The following PIP4K2A variants were observed in gnomAD, a reference collection of about 807,000 sequenced individuals.
PIP4K2A encodes the protein phosphatidylinositol-5-phosphate 4-kinase type 2 alpha.
PIP4K2A carries 14 observed loss-of-function variants against 42.9 expected under a neutral mutation model. The observed-to-expected ratio is 0.33, with a 90% CI of 0.22 to 0.51. The LOEUF is 0.51. Ranked by LOEUF, PIP4K2A falls within the 20% of genes least tolerant of loss-of-function variation. The probability of loss-of-function intolerance (pLI) is 0.97; values close to 1 mark genes in which losing one functional copy is unlikely to be tolerated. For missense variants in PIP4K2A, 434 were observed against 519.8 expected (o/e 0.83, Z 1.61); for synonymous variants, 192 against 192.2 (o/e 1.00, Z 0.01).
At chr10:22,618,096 C>A (rs1336449564) in intron 1 of PIP4K2A, among the ~76,000 whole-genome samples, 3 of 152,130 alleles carry the variant, frequency 2.0e-5, no homozygotes, top group Admixed American at 1.3e-4. Context: ...CTAGACTCTG[C>A]AAGTTTTGCA....
At chr10:22,705,648 A>G (rs1407461427) in intron 1 of PIP4K2A, among the ~76,000 whole-genome samples, 2 of 151,958 alleles carry the variant, frequency 1.3e-5, no homozygotes, top group African/African-American at 4.8e-5. Context: ...CTGACGATCA[A>G]CATGTCTTGT....
At chr10:22,674,810 T>C (rs1355823170) in intron 1 of PIP4K2A, among the ~76,000 whole-genome samples, 1 of 151,470 alleles carries the variant, frequency 6.6e-6, no homozygotes, top group Non-Finnish European at 1.5e-5. Context: ...AATAAATAAA[T>C]AAAACCCAGC....
chr10:22,562,526 G>A (rs537495124), intron 6 of PIP4K2A, among the ~76,000 whole-genome samples: 2 of 152,318 alleles, frequency 1.3e-5, no homozygotes, highest in Admixed American at 1.3e-4. Context: ...TCCAGCCTGG[G>A]TGACAGAGCG....
chr10:22,700,412 CA>C (rs1294981126), intron 1 of PIP4K2A, among the ~76,000 whole-genome samples: 1 of 152,164 alleles, frequency 6.6e-6, no homozygotes, highest in Non-Finnish European at 1.5e-5. Context: ...TTCTTCTGTC[CA>C]GACTGAACAC....
chr10:22,665,386 A>C (rs1458456411), intron 1 of PIP4K2A, among the ~76,000 whole-genome samples: 19 of 152,190 alleles, frequency 1.2e-4, no homozygotes, highest in Admixed American at 1.2e-3. Context: ...ATTACTTCAG[A>C]GAGTGAACGC....
chr10:22,575,958 A>C (rs1325866124), intron 4 of PIP4K2A, among the ~76,000 whole-genome samples: 1 of 152,054 alleles, frequency 6.6e-6, no homozygotes, highest in Non-Finnish European at 1.5e-5. Context: ...CAAAAAAGAA[A>C]AAAAAAGTCT....
chr10:22,697,536 C>T (rs745811186), intron 1 of PIP4K2A, among the ~76,000 whole-genome samples: 16 of 152,074 alleles, frequency 1.1e-4, no homozygotes, highest in Non-Finnish European at 2.2e-4. Flanking sequence ...CTAGGCAACA[C>T]AGCAAGACCC....
At chr10:22,537,631 T>C (rs138481283) in intron 9 of PIP4K2A, among the ~76,000 whole-genome samples, 5 of 152,320 alleles carry the variant, frequency 3.3e-5, no homozygotes, top group African/African-American at 4.8e-5. Context: ...ACAATACTTA[T>C]GTTATACTTT....
chr10:22,664,184 T>C (rs866107543), intron 1 of PIP4K2A, among the ~76,000 whole-genome samples: 16 of 79,120 alleles, frequency 2.0e-4, no homozygotes, highest in African/African-American at 8.0e-4. Flanking sequence ...TATATATACA[T>C]ATATATACAT....
At chr10:22,689,961 CT>C (rs1306048466) in intron 1 of PIP4K2A, among the ~76,000 whole-genome samples, 1 of 151,990 alleles carries the variant, frequency 6.6e-6, no homozygotes, top group Non-Finnish European at 1.5e-5. Flanking sequence ...TGTACTTACT[CT>C]TTTCAAACAC....
chr10:22,670,675 A>G (rs1033420266), intron 1 of PIP4K2A, among the ~76,000 whole-genome samples: 1 of 152,206 alleles, frequency 6.6e-6, no homozygotes, highest in Non-Finnish European at 1.5e-5. Context: ...AAAAACTTAT[A>G]TATTTCTCCA....
chr10:22,538,042 C>T (rs1835981426), intron 9 of PIP4K2A, among the ~76,000 whole-genome samples: 1 of 152,224 alleles, frequency 6.6e-6, no homozygotes. Flanking sequence ...CCAGCACACT[C>T]AAGGGAGTCA....
At chr10:22,609,426 T>G (rs1837982570) in intron 2 of PIP4K2A, among the ~76,000 whole-genome samples, 194 bp downstream of exon 2, 1 of 152,258 alleles carries the variant, frequency 6.6e-6, no homozygotes. Context: ...ATATGCCATA[T>G]GGCAAAGGAT....
At chr10:22,689,446 GACT>G (rs375837780) in intron 1 of PIP4K2A, among the ~76,000 whole-genome samples, 39 of 152,286 alleles carry the variant, frequency 2.6e-4, no homozygotes, top group African/African-American at 8.4e-4. Flanking sequence ...AACATGTACA[GACT>G]TTTTTTCGTG....
Position 22,602,393 on chromosome 10 carries a change from A to AT in PIP4K2A, c.339+5533dup, listed in dbSNP as rs1392568164. 1.8e-4 allele frequency among the ~76,000 whole-genome samples: 22 copies of AT among 124,344 alleles called. No homozygotes were observed. In the South Asian group the frequency reaches 5.3e-3, roughly 30 times the overall value. 81.6% of individuals were successfully genotyped at this position (124,344 alleles called of 152,430 possible). A position where few individuals can be genotyped will look rare whatever the true frequency, so the allele number is the denominator to read the frequency against. On this transcript the variant is annotated intron_variant, in intron 3 of 9. Coordinates refer to ENST00000376573, the MANE Select transcript of PIP4K2A (RefSeq NM_005028.5). ...TGGGCAACAGAGTGAAACTCTGTCT[A>AT]TAAAAAAAAAAAAAGAAAAGAAAAG...
rs372977628 is a variant in PIP4K2A, at chr10:22,675,584, C to T, written c.144+38599G>A. On this transcript the variant is annotated intron_variant, in intron 1 of 9. Transcript: ENST00000376573. ...CAGCGTGAGCAACAGAGTGAGACTC[C>T]GTCTCAAAAAACAAACAAACAAAAA... Among the ~76,000 whole-genome samples, 499 of 152,114 alleles carry T rather than the reference C, an allele frequency of 3.3e-3. 3 individuals are homozygous for T. Among genetic ancestry groups the T allele is most frequent in the African/African-American group, 0.011 (456 of 41,506 alleles).
At chr10:22,576,149 A>G (rs1438749321) in intron 4 of PIP4K2A, among the ~76,000 whole-genome samples, 1 of 152,152 alleles carries the variant, frequency 6.6e-6, no homozygotes, top group Non-Finnish European at 1.5e-5. Context: ...AAGGTTTAGA[A>G]AGCATTAATG....
chr10:22,564,022 A>G (rs1235661324), intron 6 of PIP4K2A, among the ~76,000 whole-genome samples: 2 of 152,226 alleles, frequency 1.3e-5, no homozygotes, highest in Non-Finnish European at 2.9e-5. Flanking sequence ...TCTCGGTCAA[A>G]CAAATTCTAT....
intron 1 of PIP4K2A, among the ~76,000 whole-genome samples, chr10:22,654,700 T>C (rs577576498): frequency 6.6e-6 from 1 of 152,288 alleles, no homozygotes; most frequent in East Asian, 1.9e-4. Context: ...AAGCTGGAGT[T>C]GGGAGACCAG....
Sources: gnomAD v4.1 joint callset for allele counts (sites outside exome capture counted in the v4.1 genomes callset) on GRCh38, gnomAD v4.1.1 for gene constraint, MANE v1.5 for transcripts, NCBI Gene and HGNC (gene_info 2026-07-23, HGNC 2026-07-21) for gene names.